The following DYSF variants were observed in gnomAD, a reference collection of about 807,000 sequenced individuals.
The protein encoded by DYSF is dystrophy-associated fer-1-like 1.
In DYSF, 212 loss-of-function variants were observed where a neutral mutation model predicts 274.9. That is an observed-to-expected ratio of 0.77 (90% confidence interval 0.69 to 0.86). The LOEUF (loss-of-function observed/expected upper bound fraction) is 0.86. Among genes scored for constraint, DYSF ranks in the 40% least tolerant of loss-of-function variants. The probability of loss-of-function intolerance (pLI) is 0.00; values close to 1 mark genes in which losing one functional copy is unlikely to be tolerated. For synonymous variants in DYSF, 1,091 were observed against 1,078.7 expected (o/e 1.01, Z -0.22); for missense variants, 2,666 against 2,783.2 (o/e 0.96, Z 0.95).
intron 41 of DYSF, among the ~76,000 whole-genome samples, chr2:71,637,306 G>A (rs2094419926): frequency 6.6e-6 from 1 of 152,184 alleles, no homozygotes; most frequent in South Asian, 2.1e-4. Flanking sequence ...CAGGCATGAG[G>A]GCAGAGGTTG....
Position 71,554,013 on chromosome 2 carries a change from C to T in DYSF, c.2109+82C>T, listed in dbSNP as rs1227224711. 5.0e-6 allele frequency: 8 copies of T among 1,595,258 alleles called. No individual in the cohort carries two copies. The Admixed American group carries it at 1.2e-4, about 23-fold the overall frequency. On this transcript the variant is annotated intron_variant, in intron 21 of 55. Transcript: ENST00000410020. ...CTGCATGGGGTGTCTCAGACCACCA[C>T]CCACTGGTGCACACACTGACACACG...
At position 71,551,682 on chromosome 2, in the gene DYSF, G is replaced by C. The variant is rs747168618; in HGVS notation, c.1768G>C (p.Val590Leu). 1 of 1,610,990 alleles carries C rather than the reference G, an allele frequency of 6.2e-7. No individual in the cohort carries two copies. ...TKLVEHSEQKVEDLPADDILR... is the reference protein window; with the variant it reads ...TKLVEHSEQKLEDLPADDILR... The stretch of plus-strand genomic sequence containing the variant: ...GCTGGTGGAGCACAGTGAACAGAAG[G>C]TGGAGGACCTTCCTGCGGATGACAT... The change falls in exon 19 of 56, where the codon GTG (valine) becomes CTG (leucine). Residue 590 changes from valine (V) to leucine (L), a missense_variant. Val to Leu is a conservative substitution (Grantham distance 32). Around this residue, in one of 3 missense-constraint regions of DYSF, gnomAD observed 794 missense variants for 777.1 expected, o/e 1.02. Transcript: ENST00000410020.
intron 17 of DYSF, among the ~76,000 whole-genome samples, chr2:71,549,059 G>A (rs982985876): frequency 1.3e-5 from 2 of 152,168 alleles, no homozygotes; most frequent in Admixed American, 1.3e-4. Context: ...TCAAGTTTCG[G>A]GTCTGGTTTT....
chr2:71,493,072 A>G (rs1191087351), intron 3 of DYSF, among the ~76,000 whole-genome samples: 1 of 149,942 alleles, frequency 6.7e-6, no homozygotes, highest in African/African-American at 2.4e-5. Context: ...TTTTTTTTGT[A>G]GAGACAGGGT....
chr2:71,578,734 T>C (rs1357587670), intron 30 of DYSF, among the ~76,000 whole-genome samples: 6 of 152,122 alleles, frequency 3.9e-5, no homozygotes, highest in Non-Finnish European at 8.8e-5. Context: ...CTGCCACCTT[T>C]TCCCTGACCC....
intron 40 of DYSF, among the ~76,000 whole-genome samples, chr2:71,618,017 G>GGT (rs1334037415): frequency 1.7e-5 from 2 of 121,192 alleles, no homozygotes; most frequent in Non-Finnish European, 1.7e-5. Flanking sequence ...GTAGAGATGG[G>GGT]GTGTGTGTGT....
At chr2:71,527,696 CACTT>C (rs562694905) in intron 13 of DYSF, among the ~76,000 whole-genome samples, 58 of 152,282 alleles carry the variant, frequency 3.8e-4, no homozygotes, top group South Asian at 2.1e-3. Context: ...TATCCCCCTC[CACTT>C]ACTTACCCAC....
At position 71,560,181 on chromosome 2, in the gene DYSF, G is replaced by C. The variant is rs572459609; in HGVS notation, c.2217-1571G>C. Among the ~76,000 whole-genome samples the C allele has an allele frequency of 6.8e-4, 103 of 152,298 alleles. 1 individual carries two copies. Among genetic ancestry groups the C allele is most frequent in the Admixed American group, 4.9e-3 (75 of 15,310 alleles). ...CTTTCCTGAGGAGGGAAAGAGCCGA[G>C]ACAGCACGGAGACAGCTTGTTAGTG... On this transcript the variant is annotated intron_variant, in intron 22 of 55. Coordinates refer to ENST00000410020, the MANE Select transcript of DYSF (RefSeq NM_001130987.2).
At chr2:71,539,297 T>C (rs905803273) in intron 17 of DYSF, 58 bp downstream of exon 17, 2 of 1,446,854 alleles carry the variant, frequency 1.4e-6, no homozygotes, top group Admixed American at 1.7e-5. Context: ...GTACCCCCTC[T>C]ATCCAGCTTA....
intron 22 of DYSF, among the ~76,000 whole-genome samples, chr2:71,560,405 GTT>G (rs1208042161): frequency 4.4e-5 from 2 of 45,896 alleles, no homozygotes; most frequent in African/African-American, 1.7e-4. Flanking sequence ...CTCAGGCCTG[GTT>G]CCCAGGCAGG....
intron 4 of DYSF, among the ~76,000 whole-genome samples, chr2:71,506,251 A>G (rs1559029139): frequency 6.6e-6 from 1 of 152,188 alleles, no homozygotes; most frequent in Non-Finnish European, 1.5e-5. Context: ...GCCTGACCAC[A>G]TAACCTGGAG....
intron 45 of DYSF, among the ~76,000 whole-genome samples, chr2:71,662,296 G>C (rs2094895463): frequency 6.6e-6 from 1 of 152,108 alleles, no homozygotes. Flanking sequence ...TGCTCACATT[G>C]AGCTCAGCCA....
chr2:71,652,075 C>T (rs60078081), intron 42 of DYSF, among the ~76,000 whole-genome samples: 1 of 152,090 alleles, frequency 6.6e-6, no homozygotes, highest in Non-Finnish European at 1.5e-5. Flanking sequence ...AGAAAATGAA[C>T]TTGTATTTCT....
chr2:71,477,442 T>G (rs1573369037), intron 1 of DYSF, among the ~76,000 whole-genome samples: 1 of 152,064 alleles, frequency 6.6e-6, no homozygotes, highest in Admixed American at 6.5e-5. Flanking sequence ...TTTAGCCCAC[T>G]AGATGACCGC....
At chr2:71,678,125 T>A (rs2152966801) in intron 52 of DYSF, among the ~76,000 whole-genome samples, 1 of 152,346 alleles carries the variant, frequency 6.6e-6, no homozygotes, top group East Asian at 1.9e-4. Flanking sequence ...ATTTTTTTCA[T>A]ATATACTTTG....
intron 4 of DYSF, among the ~76,000 whole-genome samples, chr2:71,508,221 A>T (rs1442988969): frequency 1.3e-5 from 2 of 152,222 alleles, no homozygotes; most frequent in Non-Finnish European, 2.9e-5. Flanking sequence ...GCCATTTGAC[A>T]TGAGGGTGCC....
Position 71,466,717 on chromosome 2 carries a change from A to T in DYSF, c.-126A>T. The T allele has an allele frequency of 3.6e-6, 5 of 1,393,070 alleles. No homozygotes were observed. The highest frequency in any genetic ancestry group is 4.7e-6 in the Non-Finnish European group (5 of 1,072,822). 86.3% of individuals were successfully genotyped at this position (1,393,070 alleles called of 1,614,324 possible). The stretch of plus-strand genomic sequence containing the variant: ...ATTGGTCACTTCTCCGCGGAGGAGC[A>T]GCGAAGGCGACAGCTCTCTTGGCGC... On this transcript the variant is annotated 5_prime_UTR_variant, in exon 1 of 56. Transcript: ENST00000410020.
At chr2:71,481,025 C>T (rs1446631041) in intron 2 of DYSF, 87 bp downstream of exon 2, 1 of 1,348,222 alleles carries the variant, frequency 7.4e-7, no homozygotes, top group Non-Finnish European at 1.1e-6. Context: ...GAGGAGGTGC[C>T]TTCTCAGCAG....
rs966670971 is a variant in DYSF, at chr2:71,611,629, G to A, written c.4221+3G>A. ...TCTGCACCCTCTTCATGGAAGTGGTGAGCCCCACCTCCCTACTGTCCCCTT... is the reference window on the plus strand; with the variant it reads ...TCTGCACCCTCTTCATGGAAGTGGTAAGCCCCACCTCCCTACTGTCCCCTT... On this transcript the variant is annotated splice_donor_region_variant and intron_variant, in intron 38 of 55. Coordinates refer to ENST00000410020, the MANE Select transcript of DYSF (RefSeq NM_001130987.2). The A allele has an allele frequency of 6.2e-7, 1 of 1,613,152 alleles. No individual in the cohort carries two copies. The highest frequency in any genetic ancestry group is 1.3e-5 in the African/African-American group (1 of 74,882).
Sources: gnomAD v4.1 joint callset for allele counts (sites outside exome capture counted in the v4.1 genomes callset) on GRCh38, gnomAD v4.1.1 for gene constraint, gnomAD v4.1.1 regional missense constraint, MANE v1.5 for transcripts, NCBI Gene and HGNC (gene_info 2026-07-23, HGNC 2026-07-21) for gene names.